The following SEMA4F variants were observed in gnomAD, a reference collection of about 807,000 sequenced individuals.
SEMA4F encodes the protein semaphorin-4F.
A neutral mutation model predicts 78.4 loss-of-function variants in SEMA4F; 51 were observed. That is an observed-to-expected ratio of 0.65 (90% confidence interval 0.52 to 0.82). The LOEUF (loss-of-function observed/expected upper bound fraction) is 0.82. Among genes scored for constraint, SEMA4F ranks in the 40% least tolerant of loss-of-function variants. SEMA4F has a pLI of 0.00. For missense variants in SEMA4F, 938 were observed against 1,014.4 expected (o/e 0.92, Z 1.02); for synonymous variants, 418 against 408.7 (o/e 1.02, Z -0.27).
rs758980278 is a variant in SEMA4F at position 74,657,856 on chromosome 2, G to A, written c.361G>A (p.Glu121Lys). Residue 121 changes from glutamate (E) to lysine (K), a missense_variant, in exon 4 of 14, where the codon GAA becomes AAA. Glu to Lys is a moderately conservative substitution (Grantham distance 56). Transcript: ENST00000357877. ...NCRKKGKKED[E>K]CHNFVQILAI... ...TCTAACCGTCTCTGACCCCCAGGAC[G>A]AATGTCACAATTTTGTCCAGATTCT... 21 of 1,613,836 alleles carry A rather than the reference G, an allele frequency of 1.3e-5. No individual in the cohort carries two copies. The highest frequency in any genetic ancestry group is 1.6e-5 in the Non-Finnish European group (19 of 1,179,828).
rs528738543 is a variant in SEMA4F at position 74,660,639 on chromosome 2, A to C, written c.457-2093A>C. On this transcript the variant is annotated intron_variant, in intron 4 of 13. Transcript: ENST00000357877. ...AGATAGATAATATAGTGGAGTGGTC[A>C]TGTCTCTTTCAGACCCGAGTTAAAT... Among the ~76,000 whole-genome samples, 8 of 152,382 alleles carry C rather than the reference A, an allele frequency of 5.2e-5. 1 individual carries two copies. The highest frequency in any genetic ancestry group is 5.2e-4 in the Admixed American group (8 of 15,310).
At chr2:74,654,570 C>T (rs1232190983) in intron 1 of SEMA4F, 49 bp downstream of exon 1, 5 of 1,449,580 alleles carry the variant, frequency 3.4e-6, no homozygotes, top group East Asian at 5.4e-5. Flanking sequence ...CACACCCACA[C>T]CCACACCCAC....
At position 74,680,967 on chromosome 2, in the gene SEMA4F, A is replaced by G. The variant is rs1238797351; in HGVS notation, c.*758A>G. On this transcript the variant is annotated 3_prime_UTR_variant, in exon 14 of 14. Transcript: ENST00000357877. ...CCACAACCTTACTCTAAATTTGAGT[A>G]GAGAAAAGCTCCTAAAGTGACCTTC... The G allele has an allele frequency of 6.6e-6, 1 of 152,612 alleles. No individual in the cohort carries two copies. Among genetic ancestry groups the G allele is most frequent in the Admixed American group, 6.5e-5 (1 of 15,288 alleles). 9.5% of individuals were successfully genotyped at this position (152,612 alleles called of 1,614,324 possible).
chr2:74,675,260 G>T lies in SEMA4F; in HGVS notation c.1248G>T (p.Arg416Ser), dbSNP rs1406363660. 3 of 1,614,168 alleles carry T rather than the reference G, an allele frequency of 1.9e-6. No individual in the cohort carries two copies. Among genetic ancestry groups the T allele is most frequent in the Non-Finnish European group, 1.7e-6 (2 of 1,180,046 alleles). The change falls in exon 10 of 14, where the codon AGG (arginine) becomes AGT (serine). Residue 416 changes from arginine (R) to serine (S), a missense_variant. Coordinates refer to ENST00000357877, the MANE Select transcript of SEMA4F (RefSeq NM_004263.5). Reference protein sequence around the residue: ...TFIRDHPLMDRPVFPADGHPL... With the variant: ...TFIRDHPLMDSPVFPADGHPL... ...TCCGGGACCACCCACTCATGGACAG[G>T]CCAGTGTTTCCAGCTGATGGCCACC...
rs766364394 is a variant in SEMA4F at position 74,679,681 on chromosome 2, CTG to C, written c.1792_1793del (p.Trp598AlafsTer31). 1 of 1,613,948 alleles carries C rather than the reference CTG, an allele frequency of 6.2e-7. No homozygotes were observed. Among genetic ancestry groups the C allele is most frequent in the East Asian group, 2.2e-5 (1 of 44,882 alleles). On this transcript the variant is annotated frameshift_variant, in exon 14 of 14. Transcript: ENST00000357877. LOFTEE classifies it high-confidence loss of function. ...GTTCTCCAAGCTCAGCATGGGCATC[CTG>C]TGTGTGGCACCAGCCCAGTGGAGTG... ...PCSPSSAWAS[C>X]VWHQPSGVTA...
chr2:74,667,900 C>T (rs762785087), intron 5 of SEMA4F, among the ~76,000 whole-genome samples: 1 of 152,210 alleles, frequency 6.6e-6, no homozygotes, highest in Non-Finnish European at 1.5e-5. Flanking sequence ...AAATCTGCAT[C>T]TGCCTCCTGG....
At chr2:74,674,427 A>T in intron 7 of SEMA4F, 71 bp from the exon 8 acceptor site, 1 of 1,434,468 alleles carries the variant, frequency 7.0e-7, no homozygotes, top group Non-Finnish European at 9.5e-7. Context: ...GAGGAAACTT[A>T]AATTGGTCTC....
In SEMA4F at chr2:74,683,717, C is replaced by G. The variant is rs900782525; in HGVS notation, c.*3508C>G. 2.6e-5 allele frequency: 4 copies of G among 152,028 alleles called. No homozygotes were observed. Among genetic ancestry groups the G allele is most frequent in the Non-Finnish European group, 5.9e-5 (4 of 68,028 alleles). 9.4% of individuals were successfully genotyped at this position (152,028 alleles called of 1,614,324 possible). A position where few individuals can be genotyped will look rare whatever the true frequency, so the allele number is the denominator to read the frequency against. On this transcript the variant is annotated 3_prime_UTR_variant, in exon 14 of 14. Transcript: ENST00000357877. ...CCTTTGCTGGGAGCCACATGAGCCCCCTGGATTCATGTGGAATTCTTGGGA... is the reference window on the plus strand; with the variant it reads ...CCTTTGCTGGGAGCCACATGAGCCCGCTGGATTCATGTGGAATTCTTGGGA...
At position 74,658,524 on chromosome 2, in the gene SEMA4F, C is replaced by T. The variant is rs756515601; in HGVS notation, c.456+573C>T. Among the ~76,000 whole-genome samples, 8 of 152,200 alleles carry T rather than the reference C, an allele frequency of 5.3e-5. No individual in the cohort carries two copies. The highest frequency in any genetic ancestry group is 8.8e-5 in the Non-Finnish European group (6 of 68,040). ...CATATTCTGGATCTTGCCTTCAGGG[C>T]GGGCACTCTGTCAATCATGTTTTCT... On this transcript the variant is annotated intron_variant, in intron 4 of 13. Transcript: ENST00000357877. The surrounding 1 kb of genome is among the most constrained non-coding windows in gnomAD (Gnocchi z 4.3).
At position 74,679,970 on chromosome 2, in the gene SEMA4F, C is replaced by T. The variant is rs374769088; in HGVS notation, c.2074C>T (p.Leu692Phe). ...RRQQRRRQRE[L>F]LARDKVGLDL... Reference sequence around the variant, plus strand: ...TCAGCAGCGACGGCGACAGAGGGAACTTCTGGCTAGAGACAAGGTGGGCCT... The same window carrying T: ...TCAGCAGCGACGGCGACAGAGGGAATTTCTGGCTAGAGACAAGGTGGGCCT... Residue 692 changes from leucine to phenylalanine, a missense_variant, in exon 14 of 14, where the codon CTT becomes TTT. Transcript: ENST00000357877. 2.2e-5 allele frequency: 36 copies of T among 1,614,140 alleles called. No individual in the cohort carries two copies. The East Asian group carries it at 5.3e-4, about 24-fold the overall frequency.
At chr2:74,673,080 T>C (rs1402957037) in intron 5 of SEMA4F, among the ~76,000 whole-genome samples, 1 of 152,170 alleles carries the variant, frequency 6.6e-6, no homozygotes, top group African/African-American at 2.4e-5. Context: ...TTAAATAAGA[T>C]TGGGACCTGT....
Position 74,673,715 on chromosome 2 carries a change from G to A in SEMA4F, c.709G>A (p.Glu237Lys), listed in dbSNP as rs199684823. The A allele has an allele frequency of 3.5e-5, 57 of 1,614,000 alleles. No individual in the cohort carries two copies. Among genetic ancestry groups the A allele is most frequent in the South Asian group, 5.5e-5 (5 of 91,076 alleles). Residue 237 changes from glutamate (E) to lysine (K), a missense_variant, in exon 7 of 14, where the codon GAA (glutamate) becomes AAA (lysine). Glu to Lys is a moderately conservative substitution (Grantham distance 56, BLOSUM62 1). Coordinates refer to ENST00000357877, the MANE Select transcript of SEMA4F (RefSeq NM_004263.5). ...FVAAVALSPAEWGDEDGDDEI... is the reference protein window; with the variant it reads ...FVAAVALSPAKWGDEDGDDEI... ...CGCAGCCGTGGCCTTGAGCCCAGCC[G>A]AATGGGGGGATGAAGATGGAGACGA...
intron 5 of SEMA4F, among the ~76,000 whole-genome samples, chr2:74,672,995 T>C (rs569572720): frequency 6.6e-6 from 1 of 152,310 alleles, no homozygotes; most frequent in East Asian, 1.9e-4. Context: ...TCGTGACTTG[T>C]TCCAAAGCAG....
the SEMA4F span, among the ~76,000 whole-genome samples, chr2:74,694,025 T>C: frequency 6.6e-6 from 1 of 152,168 alleles, no homozygotes; most frequent in Non-Finnish European, 1.5e-5. Context: ...TAGAGATAGA[T>C]TACTAACAGA....
chr2:74,676,717 C>T lies in SEMA4F; in HGVS notation c.1643+808C>T, dbSNP rs146091020. 1.4e-3 allele frequency among the ~76,000 whole-genome samples: 210 copies of T among 152,312 alleles called. 2 individuals are homozygous for T. Among genetic ancestry groups the T allele is most frequent in the African/African-American group, 5.0e-3 (207 of 41,554 alleles). ...CTACCACTCTAGTCCAAGCCATCAT[C>T]GCTTCTTAACTGGACTACTCTAATA... On this transcript the variant is annotated intron_variant, in intron 12 of 13. Transcript: ENST00000357877.
intron 5 of SEMA4F, among the ~76,000 whole-genome samples, chr2:74,672,597 C>G (rs181631706): frequency 6.6e-6 from 1 of 152,316 alleles, no homozygotes; most frequent in Admixed American, 6.5e-5. Flanking sequence ...TCCTCCTACT[C>G]ATGTCAGAGC....
rs1685210543 is a variant in SEMA4F, at chr2:74,675,287, C to A, written c.1275C>A (p.Pro425=). The change falls in exon 10 of 14, where the codon CCC becomes CCA. Residue 425 remains proline, a synonymous_variant. Coordinates refer to ENST00000357877, the MANE Select transcript of SEMA4F (RefSeq NM_004263.5). ...CAGTGTTTCCAGCTGATGGCCACCC[C>A]CTGCTGGTCACTACAGATACAGCCT... ...DRPVFPADGH[P]LLVTTDTAYL... is the part of the protein sequence containing the mutation. The A allele has an allele frequency of 6.2e-7, 1 of 1,614,218 alleles. No homozygotes were observed. Among genetic ancestry groups the A allele is most frequent in the Admixed American group, 1.7e-5 (1 of 60,026 alleles).
the SEMA4F span, among the ~76,000 whole-genome samples, chr2:74,708,915 C>A: frequency 8.5e-5 from 13 of 152,202 alleles, no homozygotes; most frequent in Middle Eastern, 6.8e-3. Context: ...CCATTAATAC[C>A]AGCACTTTGG....
chr2:74,679,461 C>A, intron 13 of SEMA4F, 127 bp downstream of exon 13: 1 of 1,479,260 alleles, frequency 6.8e-7, no homozygotes, highest in Non-Finnish European at 9.3e-7. Flanking sequence ...GAACCTCGGG[C>A]CTTAGCCTCT....
Sources: allele counts gnomAD v4.1 joint callset (sites outside exome capture counted in the v4.1 genomes callset), GRCh38; gene constraint gnomAD v4.1.1; non-coding constraint Gnocchi (gnomAD v3.1); transcripts MANE v1.5; gene names NCBI Gene and HGNC (gene_info 2026-07-23, HGNC 2026-07-21).